The following NPNT variants were observed in gnomAD, a reference collection of about 807,000 sequenced individuals.
The protein encoded by NPNT is preosteoblast EGF-like repeat protein with MAM domain.
In NPNT, 45 loss-of-function variants were observed where a neutral mutation model predicts 68.6. That is an observed-to-expected ratio of 0.66 (90% confidence interval 0.52 to 0.84). The LOEUF is 0.84. Among genes scored for constraint, NPNT ranks in the 40% least tolerant of loss-of-function variants. The pLI is 0.00. For synonymous variants in NPNT, 233 were observed against 253.3 expected, an observed-to-expected ratio of 0.92 and a Z score of 0.76; for missense variants, 672 against 714.8, an observed-to-expected ratio of 0.94 and a Z score of 0.68.
intron 11 of NPNT, among the ~76,000 whole-genome samples, 200 bp downstream of exon 11, chr4:105,967,644 G>A (rs1020095395): frequency 2.0e-5 from 3 of 151,362 alleles, no homozygotes; most frequent in African/African-American, 7.3e-5. Context: ...ATTGCAACCT[G>A]TGATCACCAC....
At position 105,938,304 on chromosome 4, in the gene NPNT, C is replaced by T. The variant is rs1361110395; in HGVS notation, c.389C>T (p.Ala130Val). The T allele has an allele frequency of 6.2e-7, 1 of 1,613,130 alleles. No individual in the cohort carries two copies. Among genetic ancestry groups the T allele is most frequent in the Non-Finnish European group, 8.5e-7 (1 of 1,179,532 alleles). The part of the protein sequence containing the change: ...MLMPDGSCSS[A>V]LTCSMANCQY... ...CAGCCAGTCACTCTCTTTCCAGGTG[C>T]CCTGACCTGCTCCATGGCAAACTGT... is the stretch of plus-strand genomic sequence containing the variant. Residue 130 changes from alanine (A) to valine (V), a missense_variant, in exon 5 of 12, where the codon GCC becomes GTC. Ala to Val is a moderately conservative substitution (Grantham distance 64, BLOSUM62 0). Coordinates refer to ENST00000379987, the MANE Select transcript of NPNT (RefSeq NM_001033047.3).
intron 1 of NPNT, among the ~76,000 whole-genome samples, chr4:105,896,485 G>A (rs1445860395): frequency 2.0e-5 from 3 of 152,148 alleles, no homozygotes; most frequent in Non-Finnish European, 4.4e-5. Flanking sequence ...TGGGTCTGTC[G>A]GGAGGGTGTG....
chr4:105,950,083 T>A (rs1730697501), intron 8 of NPNT, among the ~76,000 whole-genome samples: 1 of 152,222 alleles, frequency 6.6e-6, no homozygotes, highest in Admixed American at 6.5e-5. Context: ...AGGATTCTGA[T>A]TCTTAATCAT....
At chr4:105,910,464 A>G (rs917691229) in intron 2 of NPNT, among the ~76,000 whole-genome samples, 2 of 152,044 alleles carry the variant, frequency 1.3e-5, no homozygotes, top group Non-Finnish European at 2.9e-5. Flanking sequence ...CTATGAATGA[A>G]TCCTATTTTA....
intron 10 of NPNT, among the ~76,000 whole-genome samples, chr4:105,966,313 C>T (rs1310064184): frequency 1.3e-5 from 2 of 152,170 alleles, no homozygotes; most frequent in African/African-American, 4.8e-5. Context: ...GCACCCCCCA[C>T]TTCACTGCTG....
At chr4:105,958,743 A>T (rs1390749451) in intron 9 of NPNT, among the ~76,000 whole-genome samples, 186 bp downstream of exon 9, 1 of 152,262 alleles carries the variant, frequency 6.6e-6, no homozygotes, top group Non-Finnish European at 1.5e-5. Context: ...CTTTTTTAAA[A>T]AAATTTTAAA....
chr4:105,967,166 A>T (rs761137338), intron 10 of NPNT, 22 bp from the exon 11 acceptor site: 1 of 1,612,482 alleles, frequency 6.2e-7, no homozygotes, highest in East Asian at 2.2e-5. Context: ...ACATACACAC[A>T]GCCCTGCTTT....
At chr4:105,942,272 G>A in intron 7 of NPNT, 35 bp from the exon 8 acceptor site, 1 of 1,524,380 alleles carries the variant, frequency 6.6e-7, no homozygotes, top group Non-Finnish European at 8.9e-7. Flanking sequence ...AGGGAGGAAT[G>A]GTTACATACT....
At chr4:105,924,934 TC>T (rs1728572688) in intron 2 of NPNT, among the ~76,000 whole-genome samples, 2 of 152,214 alleles carry the variant, frequency 1.3e-5, no homozygotes, top group Admixed American at 1.3e-4. Flanking sequence ...TACATTTTTT[TC>T]AATATGGCAT....
chr4:105,915,854 C>T (rs763491218), intron 2 of NPNT, among the ~76,000 whole-genome samples: 15 of 152,148 alleles, frequency 9.9e-5, no homozygotes, highest in Non-Finnish European at 1.8e-4. Flanking sequence ...ACCTTCCTTC[C>T]TTTTCCTTCG....
chr4:105,962,762 G>A (rs1731819250), intron 10 of NPNT, among the ~76,000 whole-genome samples: 9 of 152,064 alleles, frequency 5.9e-5, no homozygotes, highest in South Asian at 4.2e-4. Flanking sequence ...TATGTTGAGA[G>A]AATTATAACC....
At chr4:105,896,269 T>C (rs1725835477) in intron 1 of NPNT, among the ~76,000 whole-genome samples, 1 of 152,018 alleles carries the variant, frequency 6.6e-6, no homozygotes, top group African/African-American at 2.4e-5. Context: ...AGACTCAAAA[T>C]GAGGACCGGA....
intron 2 of NPNT, among the ~76,000 whole-genome samples, chr4:105,923,763 A>G (rs573202901): frequency 5.3e-5 from 8 of 152,168 alleles, no homozygotes; most frequent in Non-Finnish European, 7.4e-5. Context: ...CTTTCATCCC[A>G]TTTAGCCAGA....
At chr4:105,932,815 G>T (rs537985335) in intron 3 of NPNT, 329 of 695,938 alleles carry the variant, frequency 4.7e-4, no homozygotes, top group Middle Eastern at 2.2e-3. Flanking sequence ...CCAGCCTTCA[G>T]CCCTGAGCAT....
At chr4:105,906,724 A>G (rs1726929351) in intron 2 of NPNT, among the ~76,000 whole-genome samples, 1 of 152,218 alleles carries the variant, frequency 6.6e-6, no homozygotes, top group Admixed American at 6.5e-5. Context: ...GTTGATATCC[A>G]GAGACATTGT....
intron 10 of NPNT, among the ~76,000 whole-genome samples, chr4:105,966,162 A>G (rs1172246398): frequency 1.3e-5 from 2 of 152,224 alleles, no homozygotes; most frequent in East Asian, 3.8e-4. Flanking sequence ...CAACATTCCA[A>G]CCATTTTTCT....
chr4:105,908,932 G>T (rs1178979143), intron 2 of NPNT, among the ~76,000 whole-genome samples: 2 of 152,172 alleles, frequency 1.3e-5, no homozygotes, highest in Non-Finnish European at 1.5e-5. Context: ...GGTCAAAGGT[G>T]TGTGTTGCTG....
chr4:105,956,697 C>T (rs1731256189), intron 8 of NPNT, among the ~76,000 whole-genome samples: 1 of 152,084 alleles, frequency 6.6e-6, no homozygotes, highest in Admixed American at 6.6e-5. Context: ...AGAGGCACTC[C>T]CCGTCTCAGA....
intron 10 of NPNT, among the ~76,000 whole-genome samples, chr4:105,962,933 A>G (rs1481019401): frequency 6.6e-6 from 1 of 151,846 alleles, no homozygotes; most frequent in Non-Finnish European, 1.5e-5. Context: ...AGAGAAGAAT[A>G]TAAAAAATCG....
Sources: gnomAD v4.1 joint callset for allele counts (sites outside exome capture counted in the v4.1 genomes callset) on GRCh38, gnomAD v4.1.1 for gene constraint, MANE v1.5 for transcripts, NCBI Gene and HGNC (gene_info 2026-07-23, HGNC 2026-07-21) for gene names.